Variants in LEMD3 observed in about 807,000 individuals in gnomAD.
LEMD3 encodes LEM domain containing 3.
LEMD3 carries 33 observed loss-of-function variants against 95.2 expected under a neutral mutation model. That is an observed-to-expected ratio of 0.35 (90% confidence interval 0.26 to 0.46). The LOEUF (loss-of-function observed/expected upper bound fraction) is 0.46. Ranked by LOEUF, LEMD3 falls within the 20% of genes least tolerant of loss-of-function variation. LEMD3 has a pLI of 1.00. For missense variants in LEMD3, 1,210 were observed against 1,192.8 expected (o/e 1.01, Z -0.21); for synonymous variants, 525 against 474.6 (o/e 1.11, Z -1.38).
chr12:65,205,916 A>G (rs1869745625), intron 1 of LEMD3, among the ~76,000 whole-genome samples: 1 of 152,150 alleles, frequency 6.6e-6, no homozygotes, highest in South Asian at 2.1e-4. Flanking sequence ...AGTATACATC[A>G]AGGGAACTGT....
At chr12:65,244,793 C>T (rs763707344) in intron 10 of LEMD3, among the ~76,000 whole-genome samples, 14 of 151,776 alleles carry the variant, frequency 9.2e-5, no homozygotes, top group Middle Eastern at 3.2e-3. Flanking sequence ...ACAAAAAATA[C>T]AAAAGAAATT....
intron 4 of LEMD3, among the ~76,000 whole-genome samples, chr12:65,221,568 A>G (rs746451466): frequency 6.6e-5 from 10 of 151,920 alleles, no homozygotes; most frequent in Non-Finnish European, 1.2e-4. Flanking sequence ...TCTATGTATA[A>G]GATTATGTCA....
chr12:65,242,322 C>T (rs997384465), intron 9 of LEMD3, among the ~76,000 whole-genome samples: 25 of 151,772 alleles, frequency 1.6e-4, no homozygotes, highest in Non-Finnish European at 3.4e-4. Context: ...TCTTTTTTTT[C>T]CCACTCTGCC....
chr12:65,197,059 A>G (rs1565785537), intron 1 of LEMD3, among the ~76,000 whole-genome samples: 1 of 152,170 alleles, frequency 6.6e-6, no homozygotes, highest in Non-Finnish European at 1.5e-5. Flanking sequence ...ATATTTGGTT[A>G]GAGTGGCAAG....
intron 9 of LEMD3, among the ~76,000 whole-genome samples, chr12:65,242,186 C>A (rs1870957249): frequency 6.6e-6 from 1 of 152,126 alleles, no homozygotes; most frequent in Non-Finnish European, 1.5e-5. Context: ...TTGAAACTTT[C>A]TTCACTGGGA....
chr12:65,211,943 C>G (rs993221045), intron 2 of LEMD3, among the ~76,000 whole-genome samples: 3 of 152,140 alleles, frequency 2.0e-5, no homozygotes, highest in Admixed American at 2.0e-4. Flanking sequence ...ATTAAATGCT[C>G]ATTCTGTACA....
chr12:65,240,721 T>G (rs1207534358), intron 8 of LEMD3, 188 bp from the exon 9 acceptor site: 3 of 609,706 alleles, frequency 4.9e-6, no homozygotes, highest in Admixed American at 2.9e-5. Flanking sequence ...TACAGATGTT[T>G]GTGCTCTAGC....
At chr12:65,199,167 T>G (rs1044683850) in intron 1 of LEMD3, among the ~76,000 whole-genome samples, 1 of 152,142 alleles carries the variant, frequency 6.6e-6, no homozygotes, top group African/African-American at 2.4e-5. Context: ...GGACTTCAGT[T>G]TTAGTTACTG....
chr12:65,173,674 C>T (rs1212723413), intron 1 of LEMD3, among the ~76,000 whole-genome samples: 1 of 152,130 alleles, frequency 6.6e-6, no homozygotes, highest in African/African-American at 2.4e-5. Flanking sequence ...TGGTAAACTA[C>T]AGTATATCTA....
chr12:65,172,488 A>C (rs1054323594), intron 1 of LEMD3, among the ~76,000 whole-genome samples: 1 of 152,126 alleles, frequency 6.6e-6, no homozygotes, highest in African/African-American at 2.4e-5. Context: ...CAAATAATAG[A>C]TTTTTACTCT....
At position 65,246,641 on chromosome 12, in the gene LEMD3, A is replaced by G. The variant is rs906507347; in HGVS notation, c.*316A>G. 6.2e-6 allele frequency: 2 copies of G among 323,624 alleles called. No homozygotes were observed. The highest frequency in any genetic ancestry group is 7.3e-5 in the East Asian group (1 of 13,618). 20.0% of individuals were successfully genotyped at this position (323,624 alleles called of 1,614,324 possible). ...TTTTGCCCCAAGAAGTGTTTGGATA[A>G]CCACACAAAAGCATGATGAAAAGGC... On this transcript the variant is annotated 3_prime_UTR_variant, in exon 13 of 13. Coordinates refer to ENST00000308330, the MANE Select transcript of LEMD3 (RefSeq NM_014319.5).
Position 65,247,663 on chromosome 12 carries a change from A to G in LEMD3, c.*1338A>G, listed in dbSNP as rs189997214. 1 of 152,652 alleles carries G rather than the reference A, an allele frequency of 6.6e-6. No homozygotes were observed. The highest frequency in any genetic ancestry group is 1.5e-5 in the Non-Finnish European group (1 of 67,986). 9.5% of individuals were successfully genotyped at this position (152,652 alleles called of 1,614,324 possible). A position where few individuals can be genotyped will look rare whatever the true frequency, so the allele number is the denominator to read the frequency against. ...CAAATGAATATGTGAAACAGCTGGAATTGTACAAATTTTGGTTGTATTTAA... is the reference window on the plus strand; with the variant it reads ...CAAATGAATATGTGAAACAGCTGGAGTTGTACAAATTTTGGTTGTATTTAA... On this transcript the variant is annotated 3_prime_UTR_variant, in exon 13 of 13. Coordinates refer to ENST00000308330, the MANE Select transcript of LEMD3 (RefSeq NM_014319.5).
At chr12:65,228,806 C>T (rs1351939778) in intron 4 of LEMD3, among the ~76,000 whole-genome samples, 1 of 152,144 alleles carries the variant, frequency 6.6e-6, no homozygotes, top group Admixed American at 6.5e-5. Flanking sequence ...TGAGCCATCA[C>T]CTCAAACATT....
chr12:65,215,035 GT>G (rs1870060237), intron 2 of LEMD3, among the ~76,000 whole-genome samples: 2 of 152,136 alleles, frequency 1.3e-5, no homozygotes, highest in South Asian at 4.1e-4. Context: ...GCACAAGTCT[GT>G]TTTACTCTCC....
At chr12:65,229,276 CTTTA>C (rs1870552711) in intron 4 of LEMD3, among the ~76,000 whole-genome samples, 1 of 152,084 alleles carries the variant, frequency 6.6e-6, no homozygotes, top group African/African-American at 2.4e-5. Context: ...ACCACATTTT[CTTTA>C]TTCATCTGTT....
chr12:65,180,996 A>ACACACG (rs1220514979), intron 1 of LEMD3, among the ~76,000 whole-genome samples: 1 of 152,138 alleles, frequency 6.6e-6, no homozygotes, highest in Non-Finnish European at 1.5e-5. Context: ...ACAAACACAC[A>ACACACG]CACACACACA....
rs1343032480 is a variant in LEMD3 at position 65,247,482 on chromosome 12, A to G, written c.*1157A>G. ...AAGTTTGCAATATAGTAAATGCACG[A>G]TTGACTGTTGCTTTGTGCCTCAGTA... On this transcript the variant is annotated 3_prime_UTR_variant, in exon 13 of 13. Transcript: ENST00000308330. The G allele has an allele frequency of 2.0e-5, 3 of 152,348 alleles. No homozygotes were observed. The highest frequency in any genetic ancestry group is 4.4e-5 in the Non-Finnish European group (3 of 68,004). 9.4% of individuals were successfully genotyped at this position (152,348 alleles called of 1,614,324 possible).
chr12:65,214,871 T>C (rs933307352), intron 2 of LEMD3, among the ~76,000 whole-genome samples: 2 of 152,070 alleles, frequency 1.3e-5, no homozygotes, highest in African/African-American at 4.8e-5. Flanking sequence ...TCGTAATTGC[T>C]CTTAAATTGG....
intron 1 of LEMD3, among the ~76,000 whole-genome samples, chr12:65,193,247 A>C (rs12230966): frequency 1.3e-5 from 2 of 152,146 alleles, no homozygotes; most frequent in Non-Finnish European, 2.9e-5. Flanking sequence ...GAATGAAAGG[A>C]AGTAAAGTAT....
Sources: gnomAD v4.1 joint callset for allele counts (sites outside exome capture counted in the v4.1 genomes callset) on GRCh38, gnomAD v4.1.1 for gene constraint, MANE v1.5 for transcripts, NCBI Gene and HGNC (gene_info 2026-07-23, HGNC 2026-07-21) for gene names.